DOCK1: variants seen among roughly 807,000 people sequenced by gnomAD.
The protein encoded by DOCK1 is dedicator of cytokinesis 1.
DOCK1 carries 138 observed loss-of-function variants against 262.7 expected under a neutral mutation model. That is an observed-to-expected ratio of 0.53 (90% CI 0.46 to 0.61). The LOEUF (loss-of-function observed/expected upper bound fraction) is 0.61. Among genes scored for constraint, DOCK1 ranks in the 20% least tolerant of loss-of-function variants. The pLI is 0.00. For missense variants in DOCK1, 1,908 were observed against 2,370.7 expected, an observed-to-expected ratio of 0.80 and a Z score of 4.05; for synonymous variants, 866 against 867.4, an observed-to-expected ratio of 1.00 and a Z score of 0.03.
rs150869481 is a variant in DOCK1, at chr10:127,175,500, G to A, written c.2847+47736G>A. ...GCAGGCCAGGGCAGTTTCCGAGGGC[G>A]CCTGGAGCCCGTTGAGATGTGTGGC... On this transcript the variant is annotated intron_variant, in intron 27 of 51. Coordinates refer to ENST00000623213, the MANE Select transcript of DOCK1 (RefSeq NM_001290223.2). The surrounding 1 kb of genome is among the most constrained non-coding windows in gnomAD (Gnocchi z 6.3). The A allele has an allele frequency of 3.0e-5, 48 of 1,608,732 alleles. No homozygotes were observed. Among genetic ancestry groups the A allele is most frequent in the East Asian group, 8.9e-5 (4 of 44,866 alleles).
At chr10:127,325,626 A>G (rs147248086) in intron 29 of DOCK1, among the ~76,000 whole-genome samples, 18 of 152,324 alleles carry the variant, frequency 1.2e-4, no homozygotes, top group African/African-American at 4.1e-4. Flanking sequence ...CAGCCTTCCA[A>G]ATCTCAAGCC....
chr10:127,268,431 C>T (rs1393434573), intron 29 of DOCK1, among the ~76,000 whole-genome samples: 2 of 123,146 alleles, frequency 1.6e-5, no homozygotes, highest in Non-Finnish European at 3.2e-5. Flanking sequence ...ACCCAGGAGG[C>T]GGAGGTTGCA....
intron 23 of DOCK1, among the ~76,000 whole-genome samples, chr10:127,078,078 T>C (rs1208926294): frequency 6.6e-6 from 1 of 152,100 alleles, no homozygotes; most frequent in Admixed American, 6.5e-5. Context: ...GAGGCAGTAT[T>C]AGAGATCCTG....
At chr10:126,951,544 ATTG>A (rs2036245644) in intron 1 of DOCK1, among the ~76,000 whole-genome samples, 1 of 149,104 alleles carries the variant, frequency 6.7e-6, no homozygotes, top group African/African-American at 2.5e-5. Context: ...TGTTGGTAGT[ATTG>A]TTGGTGATGT....
chr10:127,090,934 G>C (rs2047486865), intron 23 of DOCK1, among the ~76,000 whole-genome samples: 1 of 151,398 alleles, frequency 6.6e-6, no homozygotes, highest in Admixed American at 6.6e-5. Context: ...GTAGCGTATA[G>C]AGCTGCTATG....
At chr10:127,023,924 G>A (rs2042634485) in intron 14 of DOCK1, among the ~76,000 whole-genome samples, 1 of 152,202 alleles carries the variant, frequency 6.6e-6, no homozygotes, top group Non-Finnish European at 1.5e-5. Context: ...GAGAGCTCTA[G>A]GGGTGGAACT....
chr10:126,950,315 G>T (rs1396249170), intron 1 of DOCK1, among the ~76,000 whole-genome samples: 1 of 152,016 alleles, frequency 6.6e-6, no homozygotes, highest in Non-Finnish European at 1.5e-5. Flanking sequence ...GGGATCTTGG[G>T]TGGTAAATAT....
intron 29 of DOCK1, among the ~76,000 whole-genome samples, chr10:127,293,867 G>A (rs1202696026): frequency 1.3e-5 from 2 of 152,224 alleles, no homozygotes; most frequent in African/African-American, 4.8e-5. Context: ...AGAACAGACA[G>A]GATGTGGCCT....
chr10:127,329,866 A>G (rs1466700802), intron 29 of DOCK1, among the ~76,000 whole-genome samples: 2 of 152,092 alleles, frequency 1.3e-5, no homozygotes, highest in African/African-American at 4.8e-5. Flanking sequence ...TGAAAACACA[A>G]TCCTGAAATT....
chr10:127,110,897 A>G (rs560745036), intron 25 of DOCK1, among the ~76,000 whole-genome samples: 1 of 152,282 alleles, frequency 6.6e-6, no homozygotes, highest in South Asian at 2.1e-4. Flanking sequence ...ATTTGGACAG[A>G]TTAAATTAAT....
intron 1 of DOCK1, among the ~76,000 whole-genome samples, chr10:126,967,476 C>T (rs1280359291): frequency 6.6e-6 from 1 of 152,164 alleles, no homozygotes; most frequent in Non-Finnish European, 1.5e-5. Flanking sequence ...CAAAGTACCA[C>T]TTTCAAATTG....
At chr10:127,034,700 A>T (rs1158480368) in intron 18 of DOCK1, among the ~76,000 whole-genome samples, 1 of 152,172 alleles carries the variant, frequency 6.6e-6, no homozygotes, top group African/African-American at 2.4e-5. Flanking sequence ...TGCAGTGCTC[A>T]TGGTGCAGGA....
intron 29 of DOCK1, among the ~76,000 whole-genome samples, chr10:127,265,673 A>C (rs892375680): frequency 1.3e-5 from 2 of 152,376 alleles, no homozygotes; most frequent in Non-Finnish European, 1.5e-5. Flanking sequence ...AAAATCGTCC[A>C]TGCTTATTTC....
chr10:127,168,034 C>T (rs1177375045), intron 27 of DOCK1, among the ~76,000 whole-genome samples: 2 of 152,122 alleles, frequency 1.3e-5, no homozygotes, highest in Non-Finnish European at 2.9e-5. Context: ...CCAAGAGAAG[C>T]CCAAGAGGCA....
chr10:127,295,646 A>C (rs2061480643), intron 29 of DOCK1, among the ~76,000 whole-genome samples: 1 of 151,686 alleles, frequency 6.6e-6, no homozygotes, highest in African/African-American at 2.4e-5. Flanking sequence ...TGATTATACC[A>C]CTGCAGTCCA....
At chr10:127,415,949 G>C (rs2068124252) in intron 44 of DOCK1, among the ~76,000 whole-genome samples, 1 of 152,204 alleles carries the variant, frequency 6.6e-6, no homozygotes, top group African/African-American at 2.4e-5. Context: ...AGTGCCTTTT[G>C]TTTTCACCTG....
At chr10:126,951,354 T>G (rs2036217364) in intron 1 of DOCK1, among the ~76,000 whole-genome samples, 1 of 151,664 alleles carries the variant, frequency 6.6e-6, no homozygotes. Context: ...GTAGTATTGT[T>G]GATAGTATTG....
At chr10:127,058,004 C>T (rs1456811359) in intron 22 of DOCK1, among the ~76,000 whole-genome samples, 1 of 152,104 alleles carries the variant, frequency 6.6e-6, no homozygotes. Flanking sequence ...TTTTTATCCA[C>T]TTCAGGGTGG....
chr10:127,039,129 A>G (rs1204624905), intron 19 of DOCK1, among the ~76,000 whole-genome samples: 4 of 152,232 alleles, frequency 2.6e-5, no homozygotes, highest in Admixed American at 6.5e-5. Flanking sequence ...TGGTCGCACC[A>G]GTTTCCTGAA....
Sources: allele counts gnomAD v4.1 joint callset (sites outside exome capture counted in the v4.1 genomes callset), GRCh38; gene constraint gnomAD v4.1.1; non-coding constraint Gnocchi (gnomAD v3.1); transcripts MANE v1.5; gene names NCBI Gene and HGNC (gene_info 2026-07-23, HGNC 2026-07-21).